DCAF1: variants seen among roughly 807,000 people sequenced by gnomAD.
The protein encoded by DCAF1 is DDB1 and CUL4 associated factor 1, also known as DDB1- and CUL4-associated factor 1.
In DCAF1, 15 loss-of-function variants were observed where a neutral mutation model predicts 128.0. That is an observed-to-expected ratio of 0.12 (90% CI 0.08 to 0.18). DCAF1 has a LOEUF of 0.18. Ranked by LOEUF, DCAF1 falls within the 10% of genes least tolerant of loss-of-function variation. The pLI, the probability that DCAF1 is intolerant of heterozygous loss-of-function variation, is 1.00. For missense variants in DCAF1, 988 were observed against 1,649.5 expected, an observed-to-expected ratio of 0.60 and a Z score of 6.95; for synonymous variants, 610 against 603.0, an observed-to-expected ratio of 1.01 and a Z score of -0.17.
At chr3:51,432,413 C>A (rs1040309576) in intron 10 of DCAF1, among the ~76,000 whole-genome samples, 25 of 151,214 alleles carry the variant, frequency 1.7e-4, no homozygotes, top group Non-Finnish European at 3.2e-4. Context: ...CCCCTATATA[C>A]GATATAAACG....
At chr3:51,410,791 T>C (rs1698333023) in intron 23 of DCAF1, among the ~76,000 whole-genome samples, 1 of 152,216 alleles carries the variant, frequency 6.6e-6, no homozygotes, top group Admixed American at 6.5e-5. Context: ...CAATGCAAAC[T>C]GAGGGAAGTG....
chr3:51,494,964 T>G (rs1708074969), intron 2 of DCAF1, among the ~76,000 whole-genome samples: 2 of 152,114 alleles, frequency 1.3e-5, no homozygotes, highest in Non-Finnish European at 2.9e-5. Flanking sequence ...ATTATAACTT[T>G]GGGAATAACC....
At chr3:51,494,519 G>A (rs958280627) in intron 2 of DCAF1, among the ~76,000 whole-genome samples, 1 of 152,014 alleles carries the variant, frequency 6.6e-6, no homozygotes, top group East Asian at 1.9e-4. Flanking sequence ...CTTCAAAATG[G>A]GTAGTCGTTA....
In DCAF1 at chr3:51,412,284, G is replaced by C. The variant is rs1024488350; in HGVS notation, c.4212+95C>G. 7 of 1,555,740 alleles carry C rather than the reference G, an allele frequency of 4.5e-6. No individual in the cohort carries two copies. In the South Asian group the frequency reaches 8.2e-5, roughly 18 times the overall value. ...TATGAATGTGGCAACAGGTAGCAAAGGTTGAGTAGACCTTTAAAACCTCCT... is the reference window on the plus strand; with the variant it reads ...TATGAATGTGGCAACAGGTAGCAAACGTTGAGTAGACCTTTAAAACCTCCT... On this transcript the variant is annotated intron_variant, in intron 23 of 24. Coordinates refer to ENST00000684031, the MANE Select transcript of DCAF1 (RefSeq NM_001387579.1).
intron 3 of DCAF1, 94 bp from the exon 4 acceptor site, chr3:51,471,099 A>C: frequency 2.7e-6 from 2 of 732,706 alleles, no homozygotes; most frequent in East Asian, 2.5e-5. Flanking sequence ...GTAGAAAATA[A>C]AAGCAAAGTT....
chr3:51,487,260 G>A (rs1707085967), intron 2 of DCAF1, among the ~76,000 whole-genome samples: 1 of 152,162 alleles, frequency 6.6e-6, no homozygotes, highest in Non-Finnish European at 1.5e-5. Flanking sequence ...GTGAGCCACT[G>A]TGCCCAGCCA....
At chr3:51,431,740 C>T (rs1447306450) in intron 10 of DCAF1, among the ~76,000 whole-genome samples, 6 of 151,452 alleles carry the variant, frequency 4.0e-5, no homozygotes, top group African/African-American at 1.5e-4. Context: ...GTACTTGAGT[C>T]CAGGCGTCGG....
chr3:51,497,307 T>C (rs1351808662), intron 1 of DCAF1, among the ~76,000 whole-genome samples: 3 of 150,408 alleles, frequency 2.0e-5, no homozygotes, highest in East Asian at 2.0e-4. Context: ...AAAATAAAAA[T>C]AGGCGGGCAC....
At chr3:51,490,971 G>A (rs1299593013) in intron 2 of DCAF1, among the ~76,000 whole-genome samples, 3 of 147,596 alleles carry the variant, frequency 2.0e-5, no homozygotes, top group Non-Finnish European at 4.5e-5. Flanking sequence ...ATCTTTTGCA[G>A]AAATGGACAT....
Position 51,455,972 on chromosome 3 carries a change from A to C in DCAF1, c.375+7142T>G, listed in dbSNP as rs201260048. On this transcript the variant is annotated intron_variant, in intron 6 of 24. Coordinates refer to ENST00000684031, the MANE Select transcript of DCAF1 (RefSeq NM_001387579.1). ...GGAACAGCTCCCGTCTACAGCTCCCAGTGCGAGCAACACAGAAGACGGGTG... is the reference window on the plus strand; with the variant it reads ...GGAACAGCTCCCGTCTACAGCTCCCCGTGCGAGCAACACAGAAGACGGGTG... Among the ~76,000 whole-genome samples, 10 of 152,218 alleles carry C rather than the reference A, an allele frequency of 6.6e-5. No homozygotes were observed. In the East Asian group the frequency reaches 1.9e-3, roughly 29 times the overall value.
At chr3:51,402,117 T>TA (rs2089746154) in intron 24 of DCAF1, among the ~76,000 whole-genome samples, 1 of 152,076 alleles carries the variant, frequency 6.6e-6, no homozygotes, top group Non-Finnish European at 1.5e-5. Flanking sequence ...TAATGGGAAA[T>TA]AACTAGAAGA....
At chr3:51,437,883 GA>G in intron 9 of DCAF1, among the ~76,000 whole-genome samples, 1 of 149,834 alleles carries the variant, frequency 6.7e-6, no homozygotes, top group East Asian at 1.9e-4. Context: ...CACTACGCCA[GA>G]AAAAAAAGAA....
chr3:51,414,109 T>A, intron 19 of DCAF1, 66 bp from the exon 20 acceptor site: 1 of 1,475,974 alleles, frequency 6.8e-7, no homozygotes, highest in Non-Finnish European at 9.0e-7. Flanking sequence ...GGGAGGAAAT[T>A]CTAAAATATC....
chr3:51,479,659 G>A (rs1324206265), intron 3 of DCAF1, among the ~76,000 whole-genome samples: 2 of 152,064 alleles, frequency 1.3e-5, no homozygotes, highest in Non-Finnish European at 2.9e-5. Flanking sequence ...AGCCCAGTGT[G>A]GTGGCGGGCA....
At chr3:51,413,249 C>T in intron 21 of DCAF1, 33 bp downstream of exon 21, 4 of 1,597,686 alleles carry the variant, frequency 2.5e-6, no homozygotes, top group Non-Finnish European at 3.4e-6. Flanking sequence ...CAAAACACGA[C>T]AAAATGTTCA....
chr3:51,474,375 GT>G (rs1559556169), intron 3 of DCAF1, among the ~76,000 whole-genome samples: 1 of 152,090 alleles, frequency 6.6e-6, no homozygotes, highest in Non-Finnish European at 1.5e-5. Flanking sequence ...AGCCGAGATC[GT>G]GCCATTGCAC....
At chr3:51,489,225 G>A (rs998438160) in intron 2 of DCAF1, among the ~76,000 whole-genome samples, 2 of 152,122 alleles carry the variant, frequency 1.3e-5, no homozygotes, top group African/African-American at 4.8e-5. Flanking sequence ...CTTGAGAACA[G>A]GAGTTTGAGA....
At chr3:51,478,068 A>G (rs566084015) in intron 3 of DCAF1, among the ~76,000 whole-genome samples, 1 of 152,100 alleles carries the variant, frequency 6.6e-6, no homozygotes, top group East Asian at 1.9e-4. Flanking sequence ...TAGTGGCACA[A>G]TCTCAGCTCA....
chr3:51,493,979 A>G (rs1413641150), intron 2 of DCAF1, among the ~76,000 whole-genome samples: 2 of 151,336 alleles, frequency 1.3e-5, no homozygotes, highest in Non-Finnish European at 2.9e-5. Context: ...CCTGGGCGAC[A>G]GAGCGAGATT....
Sources: gnomAD v4.1 joint callset for allele counts (sites outside exome capture counted in the v4.1 genomes callset) on GRCh38, gnomAD v4.1.1 for gene constraint, MANE v1.5 for transcripts, NCBI Gene and HGNC (gene_info 2026-07-23, HGNC 2026-07-21) for gene names.